The following RCAN2 variants were observed in gnomAD, a reference collection of about 807,000 sequenced individuals.
RCAN2 encodes the protein regulator of calcineurin 2.
A neutral mutation model predicts 23.6 loss-of-function variants in RCAN2; 9 were observed. That is an observed-to-expected ratio of 0.38 (90% confidence interval 0.23 to 0.67). RCAN2 has a LOEUF of 0.67. RCAN2 is among the 30% of genes least tolerant of loss of function. The pLI, the probability that RCAN2 is intolerant of heterozygous loss-of-function variation, is 0.51. For synonymous variants in RCAN2, 109 were observed against 115.7 expected (o/e 0.94, Z 0.37); for missense variants, 273 against 302.3 (o/e 0.90, Z 0.72).
intron 4 of RCAN2, among the ~76,000 whole-genome samples, chr6:46,242,445 C>A (rs1420526558): frequency 6.6e-6 from 1 of 152,226 alleles, no homozygotes; most frequent in Non-Finnish European, 1.5e-5. Context: ...GATCCCTGCT[C>A]CATAACGTTC....
At chr6:46,455,728 C>T (rs543049684) in intron 2 of RCAN2, among the ~76,000 whole-genome samples, 15 of 151,566 alleles carry the variant, frequency 9.9e-5, no homozygotes, top group African/African-American at 3.4e-4. Flanking sequence ...TGGTGATGGG[C>T]GCCTGTAGTC....
At chr6:46,338,303 A>G (rs918328161) in intron 2 of RCAN2, among the ~76,000 whole-genome samples, 16 of 152,104 alleles carry the variant, frequency 1.1e-4, no homozygotes, top group African/African-American at 3.9e-4. Flanking sequence ...AACCCTCCCA[A>G]TGCTGTCCTC....
chr6:46,288,296 C>A (rs1762435035), intron 2 of RCAN2, among the ~76,000 whole-genome samples: 1 of 152,176 alleles, frequency 6.6e-6, no homozygotes, highest in Non-Finnish European at 1.5e-5. Flanking sequence ...GGAGAGTAGA[C>A]CAGCTTTCTT....
intron 2 of RCAN2, among the ~76,000 whole-genome samples, chr6:46,280,393 C>T (rs1256537729): frequency 6.6e-6 from 1 of 152,058 alleles, no homozygotes; most frequent in Non-Finnish European, 1.5e-5. Flanking sequence ...TGAACCTTTG[C>T]AAGATGTCAA....
rs1053078920 is a variant in RCAN2 at position 46,491,404 on chromosome 6, T to G, written c.-234A>C. 1.1e-4 allele frequency: 16 copies of G among 152,042 alleles called. No individual in the cohort carries two copies. Among genetic ancestry groups the G allele is most frequent in the Admixed American group, 3.9e-4 (6 of 15,272 alleles). The allele number at this position is 152,042 out of a possible 1,614,324, so 9.4% of individuals were successfully genotyped here. On this transcript the variant is annotated 5_prime_UTR_variant, in exon 1 of 5. Coordinates refer to ENST00000371374, the MANE Select transcript of RCAN2 (RefSeq NM_001251974.2). ...CAGTGGGATTCTGCCTGCTGCCCGC[T>G]CCTCCCCGCAACCTCCGCCGCCGTC...
chr6:46,230,567 C>T (rs1424756538), intron 4 of RCAN2, among the ~76,000 whole-genome samples: 3 of 152,160 alleles, frequency 2.0e-5, no homozygotes, highest in Admixed American at 6.5e-5. Flanking sequence ...GGCATGGCAC[C>T]CTCCAAGCCA....
chr6:46,411,867 A>G (rs1435015223), intron 2 of RCAN2, among the ~76,000 whole-genome samples: 1 of 152,210 alleles, frequency 6.6e-6, no homozygotes, highest in Non-Finnish European at 1.5e-5. Context: ...AAAGTCTGAA[A>G]GATTGGCAGG....
At chr6:46,332,473 C>A (rs1764007162) in intron 2 of RCAN2, among the ~76,000 whole-genome samples, 1 of 131,040 alleles carries the variant, frequency 7.6e-6, no homozygotes, top group Non-Finnish European at 1.6e-5. Context: ...CCCCACCCCA[C>A]AACAGTCCCC....
chr6:46,317,630 T>A (rs1378610190), intron 2 of RCAN2, among the ~76,000 whole-genome samples: 2 of 151,634 alleles, frequency 1.3e-5, no homozygotes, highest in Non-Finnish European at 2.9e-5. Context: ...CCCGGCTAAT[T>A]TTTTTTTGTA....
At chr6:46,263,513 A>ATGTGTGTATGTGTGTGTG (rs1767201086) in intron 2 of RCAN2, among the ~76,000 whole-genome samples, 2 of 56,336 alleles carry the variant, frequency 3.6e-5, no homozygotes, top group Admixed American at 3.1e-4. Context: ...ATGTGTGTGT[A>ATGTGTGTATGTGTGTGTG]TGTGTGTATG....
intron 2 of RCAN2, among the ~76,000 whole-genome samples, chr6:46,342,260 C>A (rs567804526): frequency 6.6e-5 from 10 of 152,252 alleles, no homozygotes; most frequent in East Asian, 5.8e-4. Flanking sequence ...AGGGCAAATG[C>A]TCTATTAAAG....
chr6:46,231,051 G>T (rs1765867654), intron 4 of RCAN2, among the ~76,000 whole-genome samples: 1 of 152,212 alleles, frequency 6.6e-6, no homozygotes, highest in African/African-American at 2.4e-5. Context: ...CCCCTCAAAA[G>T]ATGTTGAGGT....
chr6:46,302,218 C>T (rs952218148), intron 2 of RCAN2, among the ~76,000 whole-genome samples: 8 of 151,918 alleles, frequency 5.3e-5, no homozygotes, highest in African/African-American at 9.7e-5. Flanking sequence ...AGCAACTGGG[C>T]GGGTGATTGT....
intron 2 of RCAN2, among the ~76,000 whole-genome samples, chr6:46,368,123 G>C (rs1051549286): frequency 3.3e-5 from 5 of 152,156 alleles, no homozygotes; most frequent in African/African-American, 1.2e-4. Flanking sequence ...GCCTTTATAG[G>C]GTGAAGGCAT....
In RCAN2 at chr6:46,430,258, T is replaced by G. The variant is rs1767154292; in HGVS notation, c.225+26494A>C. ...AAAGTGAGCTGTCAAATAGGAGAGA[T>G]ATTTAGGACGTAACATCATCAGGAT... On this transcript the variant is annotated intron_variant, in intron 2 of 4. Transcript: ENST00000371374. Among the ~76,000 whole-genome samples, 7 of 151,980 alleles carry G rather than the reference T, an allele frequency of 4.6e-5. No homozygotes were observed. In the South Asian group the frequency reaches 1.5e-3, roughly 32 times the overall value.
chr6:46,354,205 CTG>C (rs56237510), intron 2 of RCAN2, among the ~76,000 whole-genome samples: 33,561 of 132,426 alleles, frequency 0.25, 4,174 homozygotes, highest in Middle Eastern at 0.36. Context: ...TGTTATTTTA[CTG>C]TGTGTGTGTG....
At chr6:46,398,947 A>G (rs74935288) in intron 2 of RCAN2, among the ~76,000 whole-genome samples, 2,687 of 151,506 alleles carry the variant, frequency 0.018, 94 homozygotes, top group African/African-American at 0.061. Flanking sequence ...CATAAAAGCA[A>G]TAAGAATAGT....
At chr6:46,420,331 C>A (rs1290266753) in intron 2 of RCAN2, among the ~76,000 whole-genome samples, 1 of 152,020 alleles carries the variant, frequency 6.6e-6, no homozygotes. Context: ...TTAAGGGGAG[C>A]TATTTGCAAG....
chr6:46,413,737 G>C lies in RCAN2; in HGVS notation c.225+43015C>G, dbSNP rs1336389469. ...ACATGTGAAGTTTCTTGGAAATGAA[G>C]TCTCTTTATGATTACAGAGTAGAGA... On this transcript the variant is annotated intron_variant, in intron 2 of 4. Coordinates refer to ENST00000371374, the MANE Select transcript of RCAN2 (RefSeq NM_001251974.2). 2.6e-5 allele frequency among the ~76,000 whole-genome samples: 4 copies of C among 152,302 alleles called. 1 individual carries two copies. The South Asian group carries it at 8.3e-4, about 32-fold the overall frequency.
Sources: allele counts gnomAD v4.1 joint callset (sites outside exome capture counted in the v4.1 genomes callset), GRCh38; gene constraint gnomAD v4.1.1; transcripts MANE v1.5; gene names NCBI Gene and HGNC (gene_info 2026-07-23, HGNC 2026-07-21).